The following GPHN variants were observed in gnomAD, a reference collection of about 807,000 sequenced individuals.
The protein encoded by GPHN is gephyrin.
In GPHN, 17 loss-of-function variants were observed where a neutral mutation model predicts 95.5. The ratio of observed to expected loss-of-function variants is 0.18; its 90% CI spans 0.12 to 0.27. The LOEUF (loss-of-function observed/expected upper bound fraction) is 0.27. Among genes scored for constraint, GPHN ranks in the 10% least tolerant of loss-of-function variants. The pLI is 1.00. For synonymous variants in GPHN, 320 were observed against 322.5 expected, an observed-to-expected ratio of 0.99 and a Z score of 0.08; for missense variants, 660 against 978.1, an observed-to-expected ratio of 0.67 and a Z score of 4.34.
chr14:67,404,349 G>T, the GPHN span, among the ~76,000 whole-genome samples: 1 of 152,038 alleles, frequency 6.6e-6, no homozygotes, highest in South Asian at 2.1e-4. Context: ...AAAAACTCTA[G>T]CAGCCACATG....
chr14:67,426,802 T>C, the GPHN span, among the ~76,000 whole-genome samples: 5 of 152,346 alleles, frequency 3.3e-5, no homozygotes, highest in South Asian at 4.1e-4. Flanking sequence ...TTCGAACTCC[T>C]GACCTCAGGT....
At chr14:67,452,502 C>T in the GPHN span, among the ~76,000 whole-genome samples, 17 of 152,200 alleles carry the variant, frequency 1.1e-4, no homozygotes, top group Middle Eastern at 3.4e-3. Context: ...GCCCAGTCTC[C>T]GCTATGTCTT....
At chr14:67,231,499 T>C in the GPHN span, among the ~76,000 whole-genome samples, 4 of 152,164 alleles carry the variant, frequency 2.6e-5, no homozygotes. Flanking sequence ...GGTCTTGCTA[T>C]GTTGCCCAGA....
the GPHN span, chr14:67,333,842 A>G: frequency 6.6e-6 from 1 of 152,554 alleles, no homozygotes. Flanking sequence ...CATGATGCTA[A>G]TAGTTTTTTG....
chr14:67,629,497 A>C, the GPHN span, among the ~76,000 whole-genome samples: 1 of 152,250 alleles, frequency 6.6e-6, no homozygotes, highest in African/African-American at 2.4e-5. Flanking sequence ...TATAAAAACA[A>C]AGTGGAATAT....
At chr14:67,061,222 G>A (rs2075812754) in intron 11 of GPHN, among the ~76,000 whole-genome samples, 1 of 151,936 alleles carries the variant, frequency 6.6e-6, no homozygotes, top group African/African-American at 2.4e-5. Flanking sequence ...TGTATTTTTA[G>A]TAGAGATGGG....
At chr14:66,728,633 C>T (rs1158512303) in intron 2 of GPHN, among the ~76,000 whole-genome samples, 1 of 152,150 alleles carries the variant, frequency 6.6e-6, no homozygotes, top group African/African-American at 2.4e-5. Flanking sequence ...GGGCTTTAGC[C>T]CCTTTGTTTT....
the GPHN span, among the ~76,000 whole-genome samples, chr14:67,584,949 G>C: frequency 4.6e-5 from 7 of 152,214 alleles, no homozygotes; most frequent in Non-Finnish European, 8.8e-5. Context: ...GAAAAAGGTG[G>C]CATGTCCAAT....
At chr14:66,944,452 G>A (rs1180838579) in intron 8 of GPHN, among the ~76,000 whole-genome samples, 1 of 152,194 alleles carries the variant, frequency 6.6e-6, no homozygotes, top group African/African-American at 2.4e-5. Context: ...CTGACCATAT[G>A]GAAAGTCATG....
rs1023858166 is a variant in GPHN at position 66,589,967 on chromosome 14, CATA to C, written c.64+81380_64+81382del. On this transcript the variant is annotated intron_variant, in intron 1 of 22. Transcript: ENST00000478722. ...TCAGCAAATGCAAAAGAATGGAAAT[CATA>C]ATAGTCTCTCAGACCACAGTACAAT... Among the ~76,000 whole-genome samples, 57 of 148,748 alleles carry C rather than the reference CATA, an allele frequency of 3.8e-4. 1 individual carries two copies. The highest frequency in any genetic ancestry group is 1.4e-3 in the African/African-American group (57 of 41,070).
intron 16 of GPHN, among the ~76,000 whole-genome samples, chr14:67,120,869 G>A (rs1328466389): frequency 6.6e-6 from 1 of 152,116 alleles, no homozygotes; most frequent in South Asian, 2.1e-4. Context: ...GTATTCGAAG[G>A]GAAGACTCCC....
chr14:67,444,548 G>C, the GPHN span, among the ~76,000 whole-genome samples: 1 of 152,172 alleles, frequency 6.6e-6, no homozygotes, highest in Non-Finnish European at 1.5e-5. Context: ...AATTTCCTGA[G>C]TGATAGGAAT....
chr14:67,254,030 C>CCG, the GPHN span, among the ~76,000 whole-genome samples: 1 of 139,702 alleles, frequency 7.2e-6, no homozygotes, highest in African/African-American at 2.7e-5. Context: ...ATTCATCCCC[C>CCG]CCCCCTTACA....
At chr14:66,928,345 T>G (rs1488982200) in intron 8 of GPHN, among the ~76,000 whole-genome samples, 1 of 152,218 alleles carries the variant, frequency 6.6e-6, no homozygotes, top group Non-Finnish European at 1.5e-5. Context: ...GTAATGATAC[T>G]TTGAATTTTT....
chr14:67,328,200 T>G, the GPHN span, among the ~76,000 whole-genome samples: 1 of 152,224 alleles, frequency 6.6e-6, no homozygotes, highest in South Asian at 2.1e-4. Context: ...GGTATCTCAT[T>G]GTGGTTTTGA....
At chr14:67,168,694 G>A (rs573809977) in intron 20 of GPHN, among the ~76,000 whole-genome samples, 45 of 152,240 alleles carry the variant, frequency 3.0e-4, no homozygotes, top group African/African-American at 1.1e-3. Flanking sequence ...AATAAATGGC[G>A]TTAAACAGCT....
the GPHN span, among the ~76,000 whole-genome samples, chr14:67,275,366 T>C: frequency 6.6e-6 from 1 of 152,366 alleles, no homozygotes; most frequent in African/African-American, 2.4e-5. Context: ...TTTCTGCATC[T>C]ATTGAGATAA....
the GPHN span, among the ~76,000 whole-genome samples, chr14:67,192,870 A>T: frequency 3.4e-5 from 5 of 146,358 alleles, no homozygotes; most frequent in East Asian, 2.0e-4. Context: ...ATATATATAG[A>T]TATATAGATA....
chr14:67,002,585 G>T (rs1233311955), intron 9 of GPHN, among the ~76,000 whole-genome samples: 1 of 151,162 alleles, frequency 6.6e-6, no homozygotes, highest in African/African-American at 2.4e-5. Context: ...GGCTAGATTT[G>T]AATCCTAATC....
Sources: gnomAD v4.1 joint callset for allele counts (sites outside exome capture counted in the v4.1 genomes callset) on GRCh38, gnomAD v4.1.1 for gene constraint, MANE v1.5 for transcripts, NCBI Gene and HGNC (gene_info 2026-07-23, HGNC 2026-07-21) for gene names.